The following FATE1 variants were observed in gnomAD, a reference collection of about 807,000 sequenced individuals.
FATE1 encodes fetal and adult testis expressed 1.
A neutral mutation model predicts 16.0 loss-of-function variants in FATE1; 18 were observed. The ratio of observed to expected loss-of-function variants is 1.12; its 90% CI spans 0.78 to 1.66. The LOEUF (loss-of-function observed/expected upper bound fraction) is 1.66. Ranked by LOEUF, FATE1 falls within the 40% of genes most tolerant of loss-of-function variation. The pLI, the probability that FATE1 is intolerant of heterozygous loss-of-function variation, is 0.00. For missense variants in FATE1, 169 were observed against 152.7 expected, an observed-to-expected ratio of 1.11 and a Z score of -0.56; for synonymous variants, 76 against 56.9, an observed-to-expected ratio of 1.34 and a Z score of -1.51.
At chrX:151,721,526 C>A (rs2015116060) in intron 3 of FATE1, 25 bp downstream of exon 3, 1 of 1,173,756 alleles carries the variant, frequency 8.5e-7, no homozygotes, top group Non-Finnish European at 1.2e-6. Context: ...TCTGTGGGCC[C>A]TGGCTGCTCA....
At chrX:151,719,004 A>G (rs1247716944) in intron 2 of FATE1, among the ~76,000 whole-genome samples, 3 of 112,193 alleles carry the variant, frequency 2.7e-5, no homozygotes, top group South Asian at 3.7e-4. Flanking sequence ...CAAAGACAGA[A>G]GCCAAATCAA....
intron 2 of FATE1, among the ~76,000 whole-genome samples, chrX:151,718,084 A>C (rs1470534640): frequency 2.1e-5 from 2 of 93,255 alleles, no homozygotes; most frequent in Admixed American, 2.5e-4. Flanking sequence ...AGACTCTGTC[A>C]AGAAAGAAAG....
chrX:151,718,922 G>GA (rs769405616), intron 2 of FATE1, among the ~76,000 whole-genome samples: 10 of 111,656 alleles, frequency 9.0e-5, no homozygotes, highest in African/African-American at 3.2e-4. Context: ...TGAAGAATGA[G>GA]AAAAAAAGCT....
intron 2 of FATE1, 80 bp downstream of exon 2, chrX:151,717,479 T>G: frequency 3.8e-6 from 4 of 1,065,773 alleles, no homozygotes; most frequent in Non-Finnish European, 5.0e-6. Flanking sequence ...CCTGACCAGG[T>G]CAGGCAGGGC....
chrX:151,717,125 G>T, intron 1 of FATE1, 147 bp from the exon 2 acceptor site: 1 of 672,388 alleles, frequency 1.5e-6, no homozygotes, highest in Non-Finnish European at 2.1e-6. Flanking sequence ...ACTGAGACCT[G>T]GGATCAGCTG....
In FATE1 at chrX:151,721,958, G is replaced by A; in HGVS notation, c.397G>A (p.Glu133Lys). The A allele has an allele frequency of 8.3e-7, 1 of 1,211,232 alleles. No individual in the cohort carries two copies. Among genetic ancestry groups the A allele is most frequent in the Non-Finnish European group, 1.1e-6 (1 of 895,280 alleles). ...QTSLEEFNVL[E>K]MEVMRRQLYA... ...TAGCCTGGAAGAGTTCAATGTACTG[G>A]AGATGGAAGTCATGAGAAGACAGGT... Residue 133 changes from glutamate (E) to lysine (K), a missense_variant, in exon 4 of 5, where the codon GAG (glutamate) becomes AAG (lysine). Coordinates refer to ENST00000370350, the MANE Select transcript of FATE1 (RefSeq NM_033085.3).
chrX:151,716,192 C>T lies in FATE1; in HGVS notation c.73C>T (p.Gln25Ter). ...SLAEELNHGRQGENQEHLVIA... is the reference protein window; with the variant it reads ...SLAEELNHGR ...GGCAGAAGAACTGAATCATGGACGCCAAGGGGAAAACCAAGAGCACCTGGT... is the reference window on the plus strand; with the variant it reads ...GGCAGAAGAACTGAATCATGGACGCTAAGGGGAAAACCAAGAGCACCTGGT... Residue 25 changes from glutamine to a stop codon, truncating the protein, a stop_gained, in exon 1 of 5, where the codon CAA (glutamine) becomes TAA (stop). Transcript: ENST00000370350. LOFTEE classifies it high-confidence loss of function. The T allele has an allele frequency of 8.6e-7, 1 of 1,167,598 alleles. No homozygotes were observed. The highest frequency in any genetic ancestry group is 1.1e-6 in the Non-Finnish European group (1 of 872,879).
At chrX:151,720,306 T>C (rs1356673081) in intron 2 of FATE1, among the ~76,000 whole-genome samples, 1 of 111,881 alleles carries the variant, frequency 8.9e-6, no homozygotes, top group Admixed American at 9.5e-5. Context: ...TGAGGCCTAG[T>C]TCCTCCATGG....
intron 1 of FATE1, 128 bp downstream of exon 1, chrX:151,716,353 G>A (rs1465070083): frequency 1.9e-6 from 1 of 538,369 alleles, no homozygotes; most frequent in Non-Finnish European, 2.9e-6. Flanking sequence ...GTGTTGGCCG[G>A]GCTTCGAGGA....
intron 3 of FATE1, 40 bp downstream of exon 3, chrX:151,721,541 G>A (rs769843593): frequency 8.0e-6 from 9 of 1,131,804 alleles, no homozygotes; most frequent in Non-Finnish European, 1.1e-5. Context: ...TGCTCAGACA[G>A]GGCCCGGAGT....
Position 151,723,186 on chromosome X carries a change from G to A in FATE1, c.*427G>A, listed in dbSNP as rs758907629. The A allele has an allele frequency of 8.4e-6, 1 of 119,154 alleles. No homozygotes were observed. The highest frequency in any genetic ancestry group is 3.2e-5 in the African/African-American group (1 of 31,013). The allele number at this position is 119,154 out of a possible 1,213,427, so 9.8% of individuals were successfully genotyped here. A position where few individuals can be genotyped will look rare whatever the true frequency, so the allele number is the denominator to read the frequency against. ...CACGCTCAATAAAAGTTCAGCCATA[G>A]CAGCAAAACCCTGTGGCTGAGGTTC... On this transcript the variant is annotated 3_prime_UTR_variant, in exon 5 of 5. Transcript: ENST00000370350.
intron 1 of FATE1, 127 bp downstream of exon 1, chrX:151,716,352 G>A (rs2015059772): frequency 1.9e-6 from 1 of 538,210 alleles, no homozygotes; most frequent in Non-Finnish European, 2.9e-6. Context: ...TGTGTTGGCC[G>A]GGCTTCGAGG....
chrX:151,718,811 C>CT (rs1033038555), intron 2 of FATE1, among the ~76,000 whole-genome samples: 2 of 109,639 alleles, frequency 1.8e-5, no homozygotes, highest in African/African-American at 6.7e-5. Context: ...AAAATGGTGG[C>CT]TTTACTGTTA....
chrX:151,721,255 G>T lies in FATE1; in HGVS notation c.235-140G>T, dbSNP rs908021717. On this transcript the variant is annotated intron_variant, in intron 2 of 4. Coordinates refer to ENST00000370350, the MANE Select transcript of FATE1 (RefSeq NM_033085.3). ...GTGGGGTTCCCAAGCTTTCCTAGCG[G>T]CCTGAAGCTGCCAGCCCTTGATTCC... 1.4e-5 allele frequency: 7 copies of T among 514,515 alleles called. No homozygotes were observed. In the African/African-American group the frequency reaches 1.4e-4, roughly 10 times the overall value. 42.4% of individuals were successfully genotyped at this position (514,515 alleles called of 1,213,427 possible).
In FATE1 at chrX:151,722,843, C is replaced by A; in HGVS notation, c.*84C>A. ...TTTCCCCAGGCCGCCACTGCCCTTG[C>A]CCCTTTCATCTCCCAGCAGCCCTCA... On this transcript the variant is annotated 3_prime_UTR_variant, in exon 5 of 5. Coordinates refer to ENST00000370350, the MANE Select transcript of FATE1 (RefSeq NM_033085.3). The A allele has an allele frequency of 9.2e-7, 1 of 1,081,982 alleles. No individual in the cohort carries two copies. Among genetic ancestry groups the A allele is most frequent in the Non-Finnish European group, 1.2e-6 (1 of 807,733 alleles). 89.2% of individuals were successfully genotyped at this position (1,081,982 alleles called of 1,213,427 possible). A position where few individuals can be genotyped will look rare whatever the true frequency, so the allele number is the denominator to read the frequency against.
Position 151,722,727 on chromosome X carries a change from A to G in FATE1, c.520A>G (p.Ile174Val), listed in dbSNP as rs750268738. 2 of 1,211,784 alleles carry G rather than the reference A, an allele frequency of 1.7e-6. No homozygotes were observed. The highest frequency in any genetic ancestry group is 1.8e-5 in the South Asian group (1 of 56,959). Residue 174 changes from isoleucine (I) to valine (V), a missense_variant, in exon 5 of 5, where the codon ATT (isoleucine) becomes GTT (valine). Ile to Val is a conservative substitution (Grantham distance 29). Transcript: ENST00000370350. ...CATCGCCGTGCTGGTGTCGGCCAGC[A>G]TTGCCAACCTGTGGCTGTGGATGAA... The part of the protein sequence containing the change: ...LIIAVLVSAS[I>V]ANLWLWMNQ
At chrX:151,721,306 C>G in intron 2 of FATE1, 89 bp from the exon 3 acceptor site, 1 of 784,199 alleles carries the variant, frequency 1.3e-6, no homozygotes, top group Non-Finnish European at 1.9e-6. Context: ...TGTGATTCCC[C>G]ATGGGGTGCA....
Position 151,717,270 on chromosome X carries a change from A to G in FATE1, c.107-2A>G. 3.3e-6 allele frequency: 4 copies of G among 1,204,352 alleles called. No individual in the cohort carries two copies. Among genetic ancestry groups the G allele is most frequent in the Non-Finnish European group, 4.5e-6 (4 of 890,640 alleles). On this transcript the variant is annotated splice_acceptor_variant, in intron 1 of 4. Coordinates refer to ENST00000370350, the MANE Select transcript of FATE1 (RefSeq NM_033085.3). LOFTEE classifies it high-confidence loss of function. The stretch of plus-strand genomic sequence containing the variant: ...TCCTGGAGCTTCTGTTCTTCTCTCT[A>G]GAAATGATGGAGCTTGGATCTCGGT...
In FATE1 at chrX:151,722,863, C is replaced by T; in HGVS notation, c.*104C>T. The T allele has an allele frequency of 6.9e-6, 7 of 1,017,165 alleles. No homozygotes were observed. The highest frequency in any genetic ancestry group is 9.2e-6 in the Non-Finnish European group (7 of 758,773). The allele number at this position is 1,017,165 out of a possible 1,213,427, so 83.8% of individuals were successfully genotyped here. A position where few individuals can be genotyped will look rare whatever the true frequency, so the allele number is the denominator to read the frequency against. On this transcript the variant is annotated 3_prime_UTR_variant, in exon 5 of 5. Transcript: ENST00000370350. The stretch of plus-strand genomic sequence containing the variant: ...CCTTGCCCCTTTCATCTCCCAGCAG[C>T]CCTCAGGAGCGTCAGGATCATTTTC...
Sources: gnomAD v4.1 joint callset for allele counts (sites outside exome capture counted in the v4.1 genomes callset) on GRCh38, gnomAD v4.1.1 for gene constraint, MANE v1.5 for transcripts, NCBI Gene and HGNC (gene_info 2026-07-23, HGNC 2026-07-21) for gene names.